PRRX1: variants seen among roughly 807,000 people sequenced by gnomAD.
PRRX1 encodes the protein paired mesoderm homeobox protein 1.
In PRRX1, 8 loss-of-function variants were observed where a neutral mutation model predicts 24.0. The observed-to-expected ratio is 0.33, with a 90% CI of 0.20 to 0.60. The LOEUF is 0.60. Ranked by LOEUF, PRRX1 falls within the 20% of genes least tolerant of loss-of-function variation. PRRX1 has a pLI of 0.82. For missense variants in PRRX1, 281 were observed against 322.4 expected (o/e 0.87, Z 0.98); for synonymous variants, 160 against 131.7 (o/e 1.22, Z -1.47).
At position 170,719,906 on chromosome 1, in the gene PRRX1, C is replaced by G; in HGVS notation, c.417+5C>G. ...CTCACCGAGGCGAGAGTGCAGGTAA[C>G]TCAAGCTGTGAGAGGCTGGCACCAA... is the stretch of plus-strand genomic sequence containing the variant. On this transcript the variant is annotated splice_donor_5th_base_variant and intron_variant, in intron 2 of 3. Transcript: ENST00000239461. 1.9e-6 allele frequency: 3 copies of G among 1,613,826 alleles called. No individual in the cohort carries two copies. The highest frequency in any genetic ancestry group is 2.5e-6 in the Non-Finnish European group (3 of 1,179,916).
chr1:170,679,209 A>G (rs533297217), intron 1 of PRRX1, among the ~76,000 whole-genome samples: 85 of 152,292 alleles, frequency 5.6e-4, no homozygotes, highest in Non-Finnish European at 1.1e-3. Context: ...TGCTTTTTAT[A>G]TTATAGGAGG....
At chr1:170,713,756 T>C (rs1019025299) in intron 1 of PRRX1, among the ~76,000 whole-genome samples, 2 of 152,186 alleles carry the variant, frequency 1.3e-5, no homozygotes, top group Admixed American at 6.5e-5. Flanking sequence ...TATAAGATGT[T>C]TTAATTCTAT....
At chr1:170,724,159 T>C (rs1219268941) in intron 2 of PRRX1, among the ~76,000 whole-genome samples, 1 of 152,212 alleles carries the variant, frequency 6.6e-6, no homozygotes. Context: ...TATAAATTTG[T>C]TTAAGCTCCT....
At chr1:170,693,558 C>T (rs1469725159) in intron 1 of PRRX1, among the ~76,000 whole-genome samples, 5 of 152,030 alleles carry the variant, frequency 3.3e-5, no homozygotes, top group Non-Finnish European at 7.4e-5. Flanking sequence ...CACCAGCCCC[C>T]ACTAAAATCA....
At chr1:170,724,243 G>A (rs1031150823) in intron 2 of PRRX1, among the ~76,000 whole-genome samples, 25 of 152,264 alleles carry the variant, frequency 1.6e-4, no homozygotes, top group Admixed American at 1.2e-3. Context: ...TGGGTTGCCT[G>A]TTCACTCTGA....
chr1:170,672,463 G>A (rs1273455287), intron 1 of PRRX1, among the ~76,000 whole-genome samples: 1 of 152,136 alleles, frequency 6.6e-6, no homozygotes, highest in East Asian at 1.9e-4. Flanking sequence ...CTGAGAATAA[G>A]AACATTCACC....
chr1:170,733,029 T>C (rs1380728883), intron 3 of PRRX1, among the ~76,000 whole-genome samples: 2 of 152,286 alleles, frequency 1.3e-5, no homozygotes, highest in East Asian at 1.9e-4. Flanking sequence ...TCCTGTGTAA[T>C]AGATGATCTG....
At chr1:170,714,972 G>T (rs1346770795) in intron 1 of PRRX1, among the ~76,000 whole-genome samples, 1 of 151,966 alleles carries the variant, frequency 6.6e-6, no homozygotes, top group East Asian at 1.9e-4. Flanking sequence ...ATCTCTTTTA[G>T]TACCTCTTTC....
intron 1 of PRRX1, among the ~76,000 whole-genome samples, chr1:170,684,675 T>G (rs1464096430): frequency 6.6e-6 from 1 of 151,944 alleles, no homozygotes; most frequent in Non-Finnish European, 1.5e-5. Context: ...ATCACTTGAA[T>G]CCAGGAGGCG....
intron 1 of PRRX1, among the ~76,000 whole-genome samples, chr1:170,706,832 C>T (rs1654585891): frequency 1.3e-5 from 2 of 152,074 alleles, no homozygotes; most frequent in South Asian, 2.1e-4. Flanking sequence ...GACTGGTGCT[C>T]AAACCAGAAG....
At chr1:170,675,641 A>G (rs895282463) in intron 1 of PRRX1, among the ~76,000 whole-genome samples, 2 of 152,180 alleles carry the variant, frequency 1.3e-5, no homozygotes, top group Non-Finnish European at 2.9e-5. Context: ...TAGTGCATTT[A>G]CCCAGACATG....
chr1:170,712,463 C>T (rs1654781476), intron 1 of PRRX1, among the ~76,000 whole-genome samples: 1 of 152,176 alleles, frequency 6.6e-6, no homozygotes, highest in Non-Finnish European at 1.5e-5. Flanking sequence ...TTCTCACTTT[C>T]TCTCCAGTTA....
At position 170,719,763 on chromosome 1, in the gene PRRX1, G is replaced by T. The variant is rs374406599; in HGVS notation, c.279G>T (p.Lys93Asn). ...ACTCAGAAGAAAAAAAGAAGAGAAA[G>T]CAGCGAAGGAATAGGACAACCTTCA... ...QLNSEEKKKR[K>N]QRRNRTTFNS... Residue 93 changes from lysine to asparagine, a missense_variant, in exon 2 of 4, where the codon AAG (lysine) becomes AAT (asparagine). Coordinates refer to ENST00000239461, the MANE Select transcript of PRRX1 (RefSeq NM_022716.4). 1 of 1,614,074 alleles carries T rather than the reference G, an allele frequency of 6.2e-7. No individual in the cohort carries two copies. Among genetic ancestry groups the T allele is most frequent in the Non-Finnish European group, 8.5e-7 (1 of 1,180,044 alleles).
At chr1:170,733,379 G>C (rs1242969816) in intron 3 of PRRX1, among the ~76,000 whole-genome samples, 1 of 152,072 alleles carries the variant, frequency 6.6e-6, no homozygotes, top group African/African-American at 2.4e-5. Context: ...CTAAGAAAGG[G>C]CACATTTCTG....
At chr1:170,714,237 T>C (rs1221024649) in intron 1 of PRRX1, among the ~76,000 whole-genome samples, 1 of 152,220 alleles carries the variant, frequency 6.6e-6, no homozygotes, top group Non-Finnish European at 1.5e-5. Context: ...CGGTTTTTAG[T>C]GGCTTTTGCA....
chr1:170,670,557 T>C (rs544628513), intron 1 of PRRX1, among the ~76,000 whole-genome samples: 62 of 152,152 alleles, frequency 4.1e-4, no homozygotes, highest in Non-Finnish European at 7.9e-4. Context: ...TATTAGTAGA[T>C]TGTCGTTGTC....
At chr1:170,679,405 T>A (rs1319574822) in intron 1 of PRRX1, among the ~76,000 whole-genome samples, 1 of 152,162 alleles carries the variant, frequency 6.6e-6, no homozygotes, top group Non-Finnish European at 1.5e-5. Flanking sequence ...TTTTATTTTA[T>A]TTTATTTTAT....
chr1:170,686,057 T>C (rs1414390289), intron 1 of PRRX1, among the ~76,000 whole-genome samples: 1 of 151,850 alleles, frequency 6.6e-6, no homozygotes, highest in African/African-American at 2.4e-5. Context: ...ATAGTTAAAA[T>C]GTAGACCGTC....
chr1:170,710,699 T>C (rs1654717800), intron 1 of PRRX1, among the ~76,000 whole-genome samples: 1 of 152,276 alleles, frequency 6.6e-6, no homozygotes, highest in Middle Eastern at 3.4e-3. Context: ...TGAGGTCACA[T>C]GAGTGAGTCC....
Sources: allele counts gnomAD v4.1 joint callset (sites outside exome capture counted in the v4.1 genomes callset), GRCh38; gene constraint gnomAD v4.1.1; transcripts MANE v1.5; gene names NCBI Gene and HGNC (gene_info 2026-07-23, HGNC 2026-07-21).